The following CLNK variants were observed in gnomAD, a reference collection of about 807,000 sequenced individuals.
The protein encoded by CLNK is cytokine-dependent hematopoietic cell linker.
CLNK carries 74 observed loss-of-function variants against 68.6 expected under a neutral mutation model. That is an observed-to-expected ratio of 1.08 (90% CI 0.89 to 1.31). CLNK has a LOEUF of 1.31. Ranked by LOEUF, CLNK falls within the 50% of genes most tolerant of loss-of-function variation. The probability of loss-of-function intolerance (pLI) is 0.00; values close to 1 mark genes in which losing one functional copy is unlikely to be tolerated. For missense variants in CLNK, 553 were observed against 515.3 expected (o/e 1.07, Z -0.71); for synonymous variants, 198 against 172.2 (o/e 1.15, Z -1.17).
chr4:10,510,137 C>G (rs909846888), intron 16 of CLNK, among the ~76,000 whole-genome samples: 1 of 152,160 alleles, frequency 6.6e-6, no homozygotes, highest in African/African-American at 2.4e-5. Flanking sequence ...CTGTGTTTCT[C>G]CAGGTGTGAT....
intron 11 of CLNK, among the ~76,000 whole-genome samples, chr4:10,535,492 A>C (rs938965498): frequency 6.6e-6 from 1 of 152,236 alleles, no homozygotes; most frequent in Non-Finnish European, 1.5e-5. Context: ...AATACATATA[A>C]GATCCCAAAC....
chr4:10,603,434 C>G (rs1263193516), intron 2 of CLNK, among the ~76,000 whole-genome samples: 1 of 152,198 alleles, frequency 6.6e-6, no homozygotes, highest in Non-Finnish European at 1.5e-5. Flanking sequence ...TGAGACCAGT[C>G]CTATTCTATC....
At chr4:10,729,999 TC>T in the CLNK span, among the ~76,000 whole-genome samples, 1 of 152,192 alleles carries the variant, frequency 6.6e-6, no homozygotes, top group Non-Finnish European at 1.5e-5. Context: ...TTTATATGAA[TC>T]AAACCTCTAA....
At chr4:10,703,556 G>A in the CLNK span, among the ~76,000 whole-genome samples, 4 of 152,130 alleles carry the variant, frequency 2.6e-5, no homozygotes, top group East Asian at 7.7e-4. Context: ...AGCTCTTAGA[G>A]AGCAGAATCT....
intron 18 of CLNK, among the ~76,000 whole-genome samples, chr4:10,492,134 G>A (rs1487656325): frequency 1.3e-5 from 2 of 152,226 alleles, no homozygotes; most frequent in Non-Finnish European, 2.9e-5. Context: ...CTTCCCTAAA[G>A]AGCGAAGGGA....
At chr4:10,616,190 G>C (rs1034071918) in intron 2 of CLNK, among the ~76,000 whole-genome samples, 7 of 152,294 alleles carry the variant, frequency 4.6e-5, no homozygotes, top group African/African-American at 1.7e-4. Context: ...ATATGCTGCT[G>C]TTCATCTCTT....
the CLNK span, chr4:10,692,198 A>C: frequency 1.3e-5 from 2 of 152,296 alleles, no homozygotes; most frequent in African/African-American, 2.4e-5. Flanking sequence ...TTTGAAGTTT[A>C]GTCTACAATG....
At chr4:10,577,884 T>C (rs1228770719) in intron 4 of CLNK, among the ~76,000 whole-genome samples, 1 of 152,182 alleles carries the variant, frequency 6.6e-6, no homozygotes, top group East Asian at 1.9e-4. Flanking sequence ...TGTTTGGCAG[T>C]AACATAGCAG....
rs542986976 is a variant in CLNK at position 10,525,880 on chromosome 4, T to C, written c.692A>G (p.Glu231Gly). Reference sequence around the variant, plus strand: ...TGGAATCTCTTGAGTATTTTGGTTTTCTAACAGATGAGTTGATTCAGGCTT... The same window carrying C: ...TGGAATCTCTTGAGTATTTTGGTTTCCTAACAGATGAGTTGATTCAGGCTT... Reference protein sequence around the residue: ...QRKPESTHLLENQNTQEIPLA... With the variant: ...QRKPESTHLLGNQNTQEIPLA... The change falls in exon 14 of 19, where the codon GAA becomes GGA. Residue 231 changes from glutamate to glycine, a missense_variant. Glu to Gly is a moderately conservative substitution (Grantham distance 98). Transcript: ENST00000226951. 21 of 1,584,022 alleles carry C rather than the reference T, an allele frequency of 1.3e-5. No individual in the cohort carries two copies. The South Asian group carries it at 2.2e-4, about 17-fold the overall frequency.
At chr4:10,630,840 A>C (rs1171157253) in intron 2 of CLNK, among the ~76,000 whole-genome samples, 1 of 152,240 alleles carries the variant, frequency 6.6e-6, no homozygotes, top group East Asian at 1.9e-4. Flanking sequence ...TGTGATGTCC[A>C]TCTGCTTGTA....
At chr4:10,537,625 CTTTCTT>C (rs1718817236) in intron 11 of CLNK, among the ~76,000 whole-genome samples, 2 of 139,902 alleles carry the variant, frequency 1.4e-5, no homozygotes, top group South Asian at 2.4e-4. Context: ...CTCTCTCTTT[CTTTCTT>C]TCTTTCTCTT....
At chr4:10,686,779 T>C (rs1410623222), upstream of CLNK, among the ~76,000 whole-genome samples, 1 of 152,106 alleles carries the variant, frequency 6.6e-6, no homozygotes, top group East Asian at 1.9e-4. Flanking sequence ...CACATCCAAT[T>C]GGTGGCTAGA....
At chr4:10,576,309 G>A (rs1314497265) in intron 4 of CLNK, among the ~76,000 whole-genome samples, 1 of 152,164 alleles carries the variant, frequency 6.6e-6, no homozygotes, top group African/African-American at 2.4e-5. Flanking sequence ...AAAGAGAAAG[G>A]GAGTTGCTCA....
chr4:10,702,644 C>A, the CLNK span, among the ~76,000 whole-genome samples: 3 of 152,174 alleles, frequency 2.0e-5, no homozygotes, highest in African/African-American at 7.2e-5. Flanking sequence ...GGTAGTCGCG[C>A]AGTCCAAGTC....
chr4:10,665,600 G>A (rs1191924228), intron 2 of CLNK, among the ~76,000 whole-genome samples: 1 of 148,668 alleles, frequency 6.7e-6, no homozygotes, highest in Non-Finnish European at 1.5e-5. Flanking sequence ...GGAGTTGGAG[G>A]TTGCAGTGAG....
At chr4:10,543,920 GTTAACA>G (rs1302829679) in intron 8 of CLNK, among the ~76,000 whole-genome samples, 2 of 152,174 alleles carry the variant, frequency 1.3e-5, no homozygotes, top group Non-Finnish European at 2.9e-5. Flanking sequence ...CAGCAATCTG[GTTAACA>G]TTAGATCTTT....
upstream of CLNK, among the ~76,000 whole-genome samples, chr4:10,688,902 A>G (rs2108907835): frequency 6.6e-6 from 1 of 152,140 alleles, no homozygotes; most frequent in South Asian, 2.1e-4. Flanking sequence ...CACAAGAAAG[A>G]AAAAAATAGT....
At chr4:10,561,971 T>C (rs928491492) in intron 7 of CLNK, among the ~76,000 whole-genome samples, 1 of 152,222 alleles carries the variant, frequency 6.6e-6, no homozygotes, top group African/African-American at 2.4e-5. Context: ...ATGGTAGGTG[T>C]TGGGGCTAAA....
rs1046080021 is a variant in CLNK, at chr4:10,649,124, A to G, written c.11+18735T>C. Among the ~76,000 whole-genome samples, 6 of 152,298 alleles carry G rather than the reference A, an allele frequency of 3.9e-5. No individual in the cohort carries two copies. In the East Asian group the frequency reaches 9.6e-4, roughly 24 times the overall value. On this transcript the variant is annotated intron_variant, in intron 2 of 18. Coordinates refer to ENST00000226951, the MANE Select transcript of CLNK (RefSeq NM_052964.4). ...ATGTGTTACTTTTCTTTACGTAAAA[A>G]TAAGAGCACCAATGATTGAATGAAA...
Sources: allele counts gnomAD v4.1 joint callset (sites outside exome capture counted in the v4.1 genomes callset), GRCh38; gene constraint gnomAD v4.1.1; transcripts MANE v1.5; gene names NCBI Gene and HGNC (gene_info 2026-07-23, HGNC 2026-07-21).